Variants in SLC2A10 observed in about 807,000 individuals in gnomAD.
SLC2A10 encodes solute carrier family 2, facilitated glucose transporter member 10.
Under a neutral mutation model 32.1 loss-of-function variants are expected in SLC2A10, and 25 were observed. That is an observed-to-expected ratio of 0.78 (90% CI 0.57 to 1.09). SLC2A10 has a LOEUF of 1.09. SLC2A10 is among the 50% of genes least tolerant of loss of function. SLC2A10 has a pLI of 0.00. For missense variants in SLC2A10, 673 were observed against 686.5 expected, an observed-to-expected ratio of 0.98 and a Z score of 0.22; for synonymous variants, 332 against 309.6, an observed-to-expected ratio of 1.07 and a Z score of -0.76.
intron 4 of SLC2A10, among the ~76,000 whole-genome samples, chr20:46,731,297 G>A (rs115786019): frequency 1.2e-4 from 19 of 152,258 alleles, no homozygotes; most frequent in African/African-American, 4.3e-4. Flanking sequence ...GAAGGGGTGG[G>A]CACAGTCCTC....
chr20:46,716,095 A>G (rs1054824428), intron 1 of SLC2A10, among the ~76,000 whole-genome samples: 10 of 151,580 alleles, frequency 6.6e-5, no homozygotes, highest in African/African-American at 2.4e-4. Context: ...CCCCCTGATG[A>G]TCACTTTATT....
At chr20:46,709,541 C>T, upstream of SLC2A10, 2 of 607,972 alleles carry the variant, frequency 3.3e-6, no homozygotes, top group African/African-American at 2.0e-5. Context: ...GGCTCCCCTC[C>T]GTCCCGCCTC....
At chr20:46,729,624 A>AGTTTTTTTTTTT in intron 4 of SLC2A10, 136 bp downstream of exon 4, 1 of 372,342 alleles carries the variant, frequency 2.7e-6, no homozygotes, top group African/African-American at 3.7e-5. Flanking sequence ...GGGCACTATG[A>AGTTTTTTTTTTT]GTTTTTTTTT....
chr20:46,732,904 C>A (rs1980370362), intron 4 of SLC2A10, among the ~76,000 whole-genome samples: 3 of 151,958 alleles, frequency 2.0e-5, no homozygotes, highest in Non-Finnish European at 4.4e-5. Context: ...ACAGCAAGAG[C>A]AAAGGCCCGG....
At position 46,726,943 on chromosome 20, in the gene SLC2A10, G is replaced by A. The variant is rs1980003697; in HGVS notation, c.1368G>A (p.Trp456Ter). 6.2e-7 allele frequency: 1 copy of A among 1,614,200 alleles called. No individual in the cohort carries two copies. Residue 456 changes from tryptophan (W) to a stop codon, truncating the protein, a stop_gained, in exon 3 of 5, where the codon TGG (tryptophan) becomes TGA (stop). Transcript: ENST00000359271. LOFTEE classifies it high-confidence loss of function. ...TCGCCTTCTGCAACAGCTTCAACTG[G>A]GCGGCCAACCTCTTCATCAGCCTCT... The part of the protein sequence containing the change: ...RAFAFCNSFN[W>*]AANLFISLSF...
chr20:46,711,480 C>T lies in SLC2A10; in HGVS notation c.4+1740C>T, dbSNP rs1176125916. Among the ~76,000 whole-genome samples, 5 of 152,254 alleles carry T rather than the reference C, an allele frequency of 3.3e-5. No individual in the cohort carries two copies. In the South Asian group the frequency reaches 8.3e-4, roughly 25 times the overall value. On this transcript the variant is annotated intron_variant, in intron 1 of 4. Coordinates refer to ENST00000359271, the MANE Select transcript of SLC2A10 (RefSeq NM_030777.4). ...TCCTCTTAACCCCCACAGCACAGTG[C>T]CCCAGAGCCTGAGAAAAAAATGAGG...
chr20:46,726,848 T>C lies in SLC2A10; in HGVS notation c.1289-16T>C, dbSNP rs1353040360. Reference sequence around the variant, plus strand: ...TCCCACCACAGCCCAGGAGCCCTCCTGCTCTCCCACCCTAGTGACCTGGCT... The same window carrying C: ...TCCCACCACAGCCCAGGAGCCCTCCCGCTCTCCCACCCTAGTGACCTGGCT... On this transcript the variant is annotated splice_polypyrimidine_tract_variant and intron_variant, in intron 2 of 4. Transcript: ENST00000359271. 1.9e-6 allele frequency: 3 copies of C among 1,614,012 alleles called. No individual in the cohort carries two copies. The highest frequency in any genetic ancestry group is 4.5e-5 in the East Asian group (2 of 44,872).
intron 1 of SLC2A10, chr20:46,710,026 C>T (rs965437543): frequency 5.8e-6 from 3 of 518,096 alleles, no homozygotes; most frequent in African/African-American, 4.1e-5. Flanking sequence ...CCTGATCCGA[C>T]AGCCCCAGGC....
At chr20:46,729,596 C>T (rs1031256131) in intron 4 of SLC2A10, 108 bp downstream of exon 4, 15 of 1,099,274 alleles carry the variant, frequency 1.4e-5, no homozygotes, top group Non-Finnish European at 1.9e-5. Context: ...GGCATTCCTC[C>T]TGTCTTCCTT....
chr20:46,727,002 A>T lies in SLC2A10; in HGVS notation c.1411+16A>T. On this transcript the variant is annotated intron_variant, in intron 3 of 4. Coordinates refer to ENST00000359271, the MANE Select transcript of SLC2A10 (RefSeq NM_030777.4). ...GATCTCATTGGTGAGTCCTTCCCAG[A>T]CAAGTCCGTTTTTTTTCTGTGGCCC... 1 of 1,614,200 alleles carries T rather than the reference A, an allele frequency of 6.2e-7. No homozygotes were observed. Among genetic ancestry groups the T allele is most frequent in the Non-Finnish European group, 8.5e-7 (1 of 1,180,024 alleles).
intron 1 of SLC2A10, among the ~76,000 whole-genome samples, chr20:46,717,381 T>C (rs1250236465): frequency 6.6e-6 from 1 of 151,930 alleles, no homozygotes; most frequent in East Asian, 1.9e-4. Flanking sequence ...CCAGTTCACC[T>C]TTTTATTTAT....
intron 1 of SLC2A10, among the ~76,000 whole-genome samples, chr20:46,722,418 T>C (rs1600664056): frequency 6.6e-6 from 1 of 152,370 alleles, no homozygotes; most frequent in Admixed American, 6.5e-5. Flanking sequence ...GTATTCTTAA[T>C]ATATCAAGCT....
intron 3 of SLC2A10, 24 bp downstream of exon 3, chr20:46,727,010 GT>G (rs769654615): frequency 6.2e-6 from 10 of 1,613,634 alleles, no homozygotes; most frequent in South Asian, 1.1e-5. Context: ...AGACAAGTCC[GT>G]TTTTTTTCTG....
rs1980489611 is a variant in SLC2A10 at position 46,734,803 on chromosome 20, G to A, written c.*969G>A. On this transcript the variant is annotated 3_prime_UTR_variant, in exon 5 of 5. Coordinates refer to ENST00000359271, the MANE Select transcript of SLC2A10 (RefSeq NM_030777.4). ...TGGAATTCTAAATGCTGGTCTAGGA[G>A]CTGTCTCCAGGATGGTGCAGGATGG... 1 of 152,668 alleles carries A rather than the reference G, an allele frequency of 6.6e-6. No individual in the cohort carries two copies. Among genetic ancestry groups the A allele is most frequent in the Non-Finnish European group, 1.5e-5 (1 of 68,080 alleles). The allele number at this position is 152,668 out of a possible 1,614,324, so 9.5% of individuals were successfully genotyped here. A position where few individuals can be genotyped will look rare whatever the true frequency, so the allele number is the denominator to read the frequency against.
Position 46,726,359 on chromosome 20 carries a change from CT to C in SLC2A10, c.1288+37del, listed in dbSNP as rs200530583. ...GTTTTCTTGCAGGTGACTCTGGAGACTTCTACCCCTCCTAGGGGGAAGTTTG... is the reference window on the plus strand; with the variant it reads ...GTTTTCTTGCAGGTGACTCTGGAGACTCTACCCCTCCTAGGGGGAAGTTTG... On this transcript the variant is annotated intron_variant, in intron 2 of 4. Transcript: ENST00000359271. The C allele has an allele frequency of 7.1e-3, 11,372 of 1,599,300 alleles. 315 individuals are homozygous for C. The highest frequency in any genetic ancestry group is 0.057 in the African/African-American group (4,253 of 74,986).
chr20:46,717,615 C>T (rs1979326756), intron 1 of SLC2A10, among the ~76,000 whole-genome samples: 1 of 152,106 alleles, frequency 6.6e-6, no homozygotes, highest in Non-Finnish European at 1.5e-5. Flanking sequence ...GAACTCCTGA[C>T]CACAGGTGAT....
intron 1 of SLC2A10, among the ~76,000 whole-genome samples, chr20:46,718,803 C>T (rs1486597441): frequency 6.6e-6 from 1 of 151,972 alleles, no homozygotes; most frequent in East Asian, 1.9e-4. Flanking sequence ...AAAGATAGGG[C>T]CTTGCTCTGT....
rs148470005 is a variant in SLC2A10, at chr20:46,733,813, C to T, written c.1605C>T (p.Ile535=). The T allele has an allele frequency of 8.7e-5, 140 of 1,614,132 alleles. No homozygotes were observed. The highest frequency in any genetic ancestry group is 1.0e-4 in the Non-Finnish European group (122 of 1,179,978). The change falls in exon 5 of 5, where the codon ATC becomes ATT. Residue 535 remains isoleucine, a synonymous_variant. Coordinates refer to ENST00000359271, the MANE Select transcript of SLC2A10 (RefSeq NM_030777.4). The part of the protein sequence containing the change: ...QNSTGIPYSR[I]EISAAS Reference sequence around the variant, plus strand: ...CCACTGGCATCCCGTACAGCCGCATCGAGATCTCTGCGGCCTCCTGAGGAA... The same window carrying T: ...CCACTGGCATCCCGTACAGCCGCATTGAGATCTCTGCGGCCTCCTGAGGAA...
At chr20:46,729,259 C>T (rs1980142110) in intron 3 of SLC2A10, 94 bp from the exon 4 acceptor site, 1 of 1,530,164 alleles carries the variant, frequency 6.5e-7, no homozygotes, top group Non-Finnish European at 9.0e-7. Flanking sequence ...AGTGAACTGA[C>T]TTTCCATGCC....
Sources: gnomAD v4.1 joint callset for allele counts (sites outside exome capture counted in the v4.1 genomes callset) on GRCh38, gnomAD v4.1.1 for gene constraint, MANE v1.5 for transcripts, NCBI Gene and HGNC (gene_info 2026-07-23, HGNC 2026-07-21) for gene names.